Variants in PDE7B observed in about 807,000 individuals in gnomAD.
The protein encoded by PDE7B is 3',5'-cyclic-AMP phosphodiesterase 7B.
In PDE7B, 29 loss-of-function variants were observed where a neutral mutation model predicts 56.2. The ratio of observed to expected loss-of-function variants is 0.52; its 90% CI spans 0.38 to 0.70. The LOEUF is 0.70. Ranked by LOEUF, PDE7B falls within the 30% of genes least tolerant of loss-of-function variation. The probability of loss-of-function intolerance (pLI) is 0.00; values close to 1 mark genes in which losing one functional copy is unlikely to be tolerated. For missense variants in PDE7B, 490 were observed against 565.0 expected, an observed-to-expected ratio of 0.87 and a Z score of 1.35; for synonymous variants, 197 against 196.9, an observed-to-expected ratio of 1.00 and a Z score of 0.00.
At chr6:136,144,052 T>C (rs1159658110) in intron 3 of PDE7B, among the ~76,000 whole-genome samples, 1 of 152,096 alleles carries the variant, frequency 6.6e-6, no homozygotes, top group African/African-American at 2.4e-5. Context: ...ATCTATATTT[T>C]CTTTTAGATT....
At chr6:136,031,607 C>T (rs969624812) in intron 2 of PDE7B, among the ~76,000 whole-genome samples, 1 of 150,628 alleles carries the variant, frequency 6.6e-6, no homozygotes, top group Non-Finnish European at 1.5e-5. Flanking sequence ...GGCGTAGTGG[C>T]GGGCGCCTGT....
intron 1 of PDE7B, among the ~76,000 whole-genome samples, chr6:135,875,735 T>G (rs1583726677): frequency 6.6e-6 from 1 of 152,252 alleles, no homozygotes; most frequent in Non-Finnish European, 1.5e-5. Flanking sequence ...AAACGTATCC[T>G]TATTTAACCT....
At chr6:135,857,804 A>C (rs372851671) in intron 1 of PDE7B, among the ~76,000 whole-genome samples, 1 of 152,150 alleles carries the variant, frequency 6.6e-6, no homozygotes, top group Non-Finnish European at 1.5e-5. Context: ...ATCTGGAATA[A>C]TTTTTCAGAT....
At chr6:135,913,852 T>C (rs1362536161) in intron 1 of PDE7B, among the ~76,000 whole-genome samples, 4 of 152,232 alleles carry the variant, frequency 2.6e-5, no homozygotes, top group Non-Finnish European at 5.9e-5. Flanking sequence ...CATGTTATCA[T>C]TCCCAGTATG....
intron 3 of PDE7B, among the ~76,000 whole-genome samples, chr6:136,143,177 C>G (rs906485140): frequency 2.0e-5 from 3 of 151,986 alleles, no homozygotes; most frequent in Non-Finnish European, 4.4e-5. Context: ...ATTTGCTTGT[C>G]TGTAAAGTAT....
intron 1 of PDE7B, among the ~76,000 whole-genome samples, chr6:135,895,762 C>G (rs568356551): frequency 1.3e-5 from 2 of 152,110 alleles, no homozygotes; most frequent in African/African-American, 4.8e-5. Flanking sequence ...CAGGGCTTGC[C>G]AAGCCTTTAG....
chr6:136,077,800 T>C (rs1255182357), intron 2 of PDE7B, among the ~76,000 whole-genome samples: 2 of 152,220 alleles, frequency 1.3e-5, no homozygotes, highest in African/African-American at 4.8e-5. Flanking sequence ...TATGACATAG[T>C]TTCTTTTGTT....
chr6:135,891,557 C>T (rs560038020), intron 1 of PDE7B, among the ~76,000 whole-genome samples: 3 of 152,134 alleles, frequency 2.0e-5, no homozygotes, highest in Non-Finnish European at 4.4e-5. Flanking sequence ...AATTCAAACA[C>T]CTTCTAAACG....
intron 2 of PDE7B, among the ~76,000 whole-genome samples, chr6:135,973,726 C>G (rs1775134266): frequency 1.3e-5 from 2 of 152,168 alleles, no homozygotes; most frequent in Non-Finnish European, 1.5e-5. Context: ...ATTAGTGACA[C>G]TGAGCATTTA....
Position 136,142,799 on chromosome 6 carries a change from T to G in PDE7B, c.167-4552T>G, listed in dbSNP as rs551503362. Among the ~76,000 whole-genome samples the G allele has an allele frequency of 6.6e-5, 10 of 152,162 alleles. No homozygotes were observed. In the East Asian group the frequency reaches 1.7e-3, roughly 26 times the overall value. On this transcript the variant is annotated intron_variant, in intron 3 of 12. Transcript: ENST00000308191. Reference sequence around the variant, plus strand: ...CCCTGCCTTTTTTTGTTTTCCATTTTCTTGGTAGATCTTCCTCCATCCCTT... The same window carrying G: ...CCCTGCCTTTTTTTGTTTTCCATTTGCTTGGTAGATCTTCCTCCATCCCTT...
rs1184404170 is a variant in PDE7B, at chr6:136,194,066, AATAT to A, written c.*2227_*2230del. ...TCAGCTTGGTGAGGCTCCAAAAGAG[AATAT>A]GTCAGATGTATTCCTACTTCCAAAC... On this transcript the variant is annotated 3_prime_UTR_variant, in exon 13 of 13. Transcript: ENST00000308191. 1.3e-5 allele frequency: 2 copies of A among 152,072 alleles called. No homozygotes were observed. Among genetic ancestry groups the A allele is most frequent in the Non-Finnish European group, 2.9e-5 (2 of 68,018 alleles). The allele number at this position is 152,072 out of a possible 1,614,324, so 9.4% of individuals were successfully genotyped here.
chr6:136,079,459 A>G (rs1777172575), intron 2 of PDE7B, among the ~76,000 whole-genome samples: 2 of 152,174 alleles, frequency 1.3e-5, no homozygotes, highest in South Asian at 2.1e-4. Context: ...TAACATTTCA[A>G]TGGCTCCAGA....
At chr6:136,101,671 C>T (rs1192134729) in intron 2 of PDE7B, among the ~76,000 whole-genome samples, 1 of 152,038 alleles carries the variant, frequency 6.6e-6, no homozygotes, top group Non-Finnish European at 1.5e-5. Flanking sequence ...GTTTAGGATC[C>T]CCTCAGCCTG....
chr6:136,046,750 C>A, intron 2 of PDE7B, among the ~76,000 whole-genome samples: 1 of 152,110 alleles, frequency 6.6e-6, no homozygotes, highest in East Asian at 1.9e-4. Context: ...ATCTATAGAC[C>A]CACCTCTTAA....
rs868391978 is a variant in PDE7B at position 135,926,086 on chromosome 6, G to T, written c.22-21378G>T. Among the ~76,000 whole-genome samples the T allele has an allele frequency of 4.9e-3, 163 of 33,008 alleles. 6 individuals carry two copies. Among genetic ancestry groups the T allele is most frequent in the African/African-American group, 0.014 (69 of 4,764 alleles). The allele number at this position is 33,008 out of a possible 152,430, so 21.7% of individuals were successfully genotyped here. On this transcript the variant is annotated intron_variant, in intron 1 of 12. Transcript: ENST00000308191. ...CATGCTTCTGTTTTTTCTTTTTTTT[G>T]GGGGGGGGGGGGGGAGGGGGGATGG... is the stretch of plus-strand genomic sequence containing the variant.
At chr6:135,962,274 G>T (rs1774915623) in intron 2 of PDE7B, among the ~76,000 whole-genome samples, 1 of 152,056 alleles carries the variant, frequency 6.6e-6, no homozygotes, top group Admixed American at 6.6e-5. Flanking sequence ...TGTTTTCATG[G>T]ACTTTATACA....
chr6:135,887,624 CT>C (rs1283596981), intron 1 of PDE7B, among the ~76,000 whole-genome samples: 9 of 151,912 alleles, frequency 5.9e-5, no homozygotes, highest in African/African-American at 2.2e-4. Flanking sequence ...AAGATTTGTC[CT>C]TAGTAGTTAC....
chr6:136,043,575 C>CAAA (rs34337621), intron 2 of PDE7B, among the ~76,000 whole-genome samples: 30,510 of 106,412 alleles, frequency 0.29, 4,626 homozygotes, highest in Non-Finnish European at 0.34. Context: ...GACATAATAG[C>CAAA]AAAAAAAAAA....
intron 1 of PDE7B, among the ~76,000 whole-genome samples, chr6:135,921,114 T>C (rs1380338678): frequency 6.6e-6 from 1 of 152,120 alleles, no homozygotes; most frequent in Admixed American, 6.5e-5. Flanking sequence ...GACAATATTT[T>C]GGTTTAGTGC....
Sources: allele counts gnomAD v4.1 joint callset (sites outside exome capture counted in the v4.1 genomes callset), GRCh38; gene constraint gnomAD v4.1.1; transcripts MANE v1.5; gene names NCBI Gene and HGNC (gene_info 2026-07-23, HGNC 2026-07-21).